The following SRP54 variants were observed in gnomAD, a reference collection of about 807,000 sequenced individuals.
The protein encoded by SRP54 is signal recognition particle 54.
A neutral mutation model predicts 64.8 loss-of-function variants in SRP54; 10 were observed. That is an observed-to-expected ratio of 0.15 (90% CI 0.10 to 0.26). SRP54 has a LOEUF of 0.26. Among genes scored for constraint, SRP54 ranks in the 10% least tolerant of loss-of-function variants. The pLI is 1.00. For synonymous variants in SRP54, 193 were observed against 185.6 expected, an observed-to-expected ratio of 1.04 and a Z score of -0.32; for missense variants, 325 against 613.7, an observed-to-expected ratio of 0.53 and a Z score of 4.97.
chr14:34,994,520 A>G (rs2044035356), intron 1 of SRP54, among the ~76,000 whole-genome samples: 1 of 151,826 alleles, frequency 6.6e-6, no homozygotes, highest in African/African-American at 2.4e-5. Flanking sequence ...AACTGTATAC[A>G]CCTCTGTCCT....
chr14:35,028,025 CCTGATTATACT>C, intron 14 of SRP54, 52 bp from the exon 15 acceptor site: 1 of 1,039,332 alleles, frequency 9.6e-7, no homozygotes, highest in Admixed American at 2.3e-5. Flanking sequence ...TCTATTATAC[CCTGATTATACT>C]GATTATATTA....
intron 13 of SRP54, among the ~76,000 whole-genome samples, chr14:35,022,274 CT>C (rs962874833): frequency 3.3e-5 from 5 of 151,972 alleles, no homozygotes; most frequent in African/African-American, 1.2e-4. Context: ...TAATAGTTTA[CT>C]TAAACTGTAG....
At chr14:35,014,371 G>A (rs10146699) in intron 10 of SRP54, among the ~76,000 whole-genome samples, 25,914 of 149,818 alleles carry the variant, frequency 0.17, 2,396 homozygotes, top group East Asian at 0.32. Flanking sequence ...TCAGCCTCCC[G>A]GGTTCAAGCG....
intron 1 of SRP54, among the ~76,000 whole-genome samples, chr14:34,993,943 C>T (rs2044024273): frequency 6.6e-6 from 1 of 151,918 alleles, no homozygotes; most frequent in African/African-American, 2.4e-5. Context: ...GATCCGCCTG[C>T]CTCGGCCTCC....
At chr14:35,013,588 T>C in intron 9 of SRP54, 94 bp downstream of exon 9, 2 of 1,407,628 alleles carry the variant, frequency 1.4e-6, no homozygotes, top group Non-Finnish European at 1.9e-6. Context: ...AAAATATGTT[T>C]CAATAGTGAG....
chr14:35,018,703 T>C lies in SRP54; in HGVS notation c.985T>C (p.Leu329=). Residue 329 remains leucine, a synonymous_variant, in exon 12 of 16, where the codon TTG becomes CTG. Transcript: ENST00000216774. The part of the protein sequence containing the change: ...IEKLKHGQFT[L]RDMYEQFQNI... ...ACATTGTATTTCAGGTCAGTTTACGTTGCGAGACATGTATGAGCAATTTCA... is the reference window on the plus strand; with the variant it reads ...ACATTGTATTTCAGGTCAGTTTACGCTGCGAGACATGTATGAGCAATTTCA... 3 of 1,613,184 alleles carry C rather than the reference T, an allele frequency of 1.9e-6. No individual in the cohort carries two copies. Among genetic ancestry groups the C allele is most frequent in the Non-Finnish European group, 2.5e-6 (3 of 1,179,674 alleles).
At chr14:34,993,550 C>T (rs1169391538) in intron 1 of SRP54, 3 of 152,022 alleles carry the variant, frequency 2.0e-5, no homozygotes, top group Admixed American at 2.0e-4. Flanking sequence ...ATTTGTAGCT[C>T]AGCCTGGGAT....
At chr14:34,983,961 A>G (rs1374797045) in intron 1 of SRP54, among the ~76,000 whole-genome samples, 1 of 152,218 alleles carries the variant, frequency 6.6e-6, no homozygotes, top group Non-Finnish European at 1.5e-5. Context: ...GCCAGTTTCT[A>G]TTCCAATCTA....
chr14:34,987,247 AT>A (rs200529765), intron 1 of SRP54, among the ~76,000 whole-genome samples: 67 of 62,810 alleles, frequency 1.1e-3, no homozygotes, highest in African/African-American at 4.6e-3. Context: ...AAAAAAAAAA[AT>A]ATATATATAT....
chr14:34,991,025 G>A (rs993570207), intron 1 of SRP54, among the ~76,000 whole-genome samples: 1 of 151,700 alleles, frequency 6.6e-6, no homozygotes, highest in African/African-American at 2.4e-5. Context: ...ACTGTATAAG[G>A]CTGAGGATAG....
intron 13 of SRP54, among the ~76,000 whole-genome samples, chr14:35,021,936 A>T (rs1044536386): frequency 1.3e-5 from 2 of 152,230 alleles, no homozygotes; most frequent in African/African-American, 4.8e-5. Context: ...AACTGAAGCT[A>T]GAAGAAATGC....
At chr14:35,025,974 T>A (rs979664808) in intron 14 of SRP54, among the ~76,000 whole-genome samples, 1 of 149,942 alleles carries the variant, frequency 6.7e-6, no homozygotes, top group African/African-American at 2.5e-5. Flanking sequence ...GAGGATCCCA[T>A]GAGCCCAGGA....
intron 8 of SRP54, among the ~76,000 whole-genome samples, chr14:35,012,364 C>G (rs1020433345): frequency 1.3e-5 from 2 of 151,516 alleles, no homozygotes; most frequent in East Asian, 3.9e-4. Context: ...GTGATGGAAA[C>G]AATTTGGGGG....
intron 14 of SRP54, 118 bp downstream of exon 14, chr14:35,023,198 C>G: frequency 1.3e-6 from 1 of 790,070 alleles, no homozygotes; most frequent in East Asian, 2.7e-5. Context: ...TCAAGTACTT[C>G]CAGGATTTAT....
intron 1 of SRP54, among the ~76,000 whole-genome samples, chr14:34,993,712 GA>G (rs2044020289): frequency 1.3e-5 from 2 of 151,678 alleles, no homozygotes; most frequent in Non-Finnish European, 2.9e-5. Flanking sequence ...TTTATTTATT[GA>G]GATGGAGTTT....
intron 1 of SRP54, among the ~76,000 whole-genome samples, chr14:34,995,638 C>T (rs972436526): frequency 2.0e-5 from 3 of 152,028 alleles, no homozygotes; most frequent in East Asian, 1.9e-4. Context: ...TTTTATAAAA[C>T]AGTAAGATTT....
chr14:34,992,182 C>T (rs1356244867), intron 1 of SRP54, among the ~76,000 whole-genome samples: 1 of 152,220 alleles, frequency 6.6e-6, no homozygotes, highest in African/African-American at 2.4e-5. Flanking sequence ...ATCCACCCGC[C>T]TTGGCCTCCC....
intron 4 of SRP54, 104 bp downstream of exon 4, chr14:35,001,124 T>C (rs1329024820): frequency 1.6e-5 from 7 of 441,142 alleles, no homozygotes; most frequent in Non-Finnish European, 2.7e-5. Context: ...TTATGGAATA[T>C]TCATCTGTAT....
Position 34,999,666 on chromosome 14 carries a change from A to G in SRP54, c.170+17A>G. 1 of 1,563,500 alleles carries G rather than the reference A, an allele frequency of 6.4e-7. No homozygotes were observed. Among genetic ancestry groups the G allele is most frequent in the Non-Finnish European group, 8.8e-7 (1 of 1,134,626 alleles). Reference sequence around the variant, plus strand: ...AAATGTTAAGTAAGTTAAATCAATCAGGTAAAACACAGGCACAGTTTAGTT... The same window carrying G: ...AAATGTTAAGTAAGTTAAATCAATCGGGTAAAACACAGGCACAGTTTAGTT... On this transcript the variant is annotated intron_variant, in intron 3 of 15. Coordinates refer to ENST00000216774, the MANE Select transcript of SRP54 (RefSeq NM_003136.4).
Sources: allele counts gnomAD v4.1 joint callset (sites outside exome capture counted in the v4.1 genomes callset), GRCh38; gene constraint gnomAD v4.1.1; transcripts MANE v1.5; gene names NCBI Gene and HGNC (gene_info 2026-07-23, HGNC 2026-07-21).